Variants in TEKT5 observed in about 807,000 individuals in gnomAD.
TEKT5 encodes the protein tektin 5, also known as tektin-5.
Under a neutral mutation model 48.7 loss-of-function variants are expected in TEKT5, and 52 were observed. The observed-to-expected ratio is 1.07, with a 90% CI of 0.86 to 1.35. TEKT5 has a LOEUF of 1.35. Ranked by LOEUF, TEKT5 falls within the 40% of genes most tolerant of loss-of-function variation. The probability of loss-of-function intolerance (pLI) is 0.00; values close to 1 mark genes in which losing one functional copy is unlikely to be tolerated. For synonymous variants in TEKT5, 318 were observed against 267.6 expected, an observed-to-expected ratio of 1.19 and a Z score of -1.84; for missense variants, 831 against 641.6, an observed-to-expected ratio of 1.30 and a Z score of -3.19.
chr16:10,680,632 G>A (rs1596417045), intron 4 of TEKT5, among the ~76,000 whole-genome samples: 1 of 151,562 alleles, frequency 6.6e-6, no homozygotes, highest in East Asian at 1.9e-4. Context: ...ATGATAGACT[G>A]GATTAAGAAA....
chr16:10,690,158 T>G, intron 1 of TEKT5, 133 bp from the exon 2 acceptor site: 1 of 822,384 alleles, frequency 1.2e-6, no homozygotes, highest in Non-Finnish European at 1.9e-6. Flanking sequence ...GTGACCTCAC[T>G]ACTGGGCATT....
At chr16:10,661,681 G>T (rs369146741) in intron 5 of TEKT5, among the ~76,000 whole-genome samples, 2 of 152,132 alleles carry the variant, frequency 1.3e-5, no homozygotes, top group Non-Finnish European at 2.9e-5. Context: ...TGGAATGTGC[G>T]GAGTGAGGAG....
chr16:10,635,250 G>A (rs531221824), intron 6 of TEKT5, among the ~76,000 whole-genome samples: 74 of 143,796 alleles, frequency 5.1e-4, no homozygotes, highest in Non-Finnish European at 5.7e-4. Context: ...AAAGCCCTTC[G>A]TCAACAGACA....
At position 10,676,368 on chromosome 16, in the gene TEKT5, C is replaced by T. The variant is rs62025833; in HGVS notation, c.864-187G>A. 0.22 allele frequency among the ~76,000 whole-genome samples: 33,050 copies of T among 152,130 alleles called. 4,384 individuals carry two copies. The highest frequency in any genetic ancestry group is 0.54 in the East Asian group (2,815 of 5,168). ...GATGCCAGTAGCTCCCCAACCACCC[C>T]GTTGTGACAACCAAAAAATGGCTCC... On this transcript the variant is annotated intron_variant, in intron 4 of 6. Transcript: ENST00000283025.
chr16:10,653,127 G>A (rs374191289), intron 5 of TEKT5, among the ~76,000 whole-genome samples: 9 of 152,296 alleles, frequency 5.9e-5, no homozygotes, highest in African/African-American at 1.9e-4. Flanking sequence ...AGGCTTCTGG[G>A]GCACAGCCTG....
At chr16:10,670,307 A>C (rs1015025417) in intron 5 of TEKT5, among the ~76,000 whole-genome samples, 4 of 152,186 alleles carry the variant, frequency 2.6e-5, no homozygotes, top group Admixed American at 6.5e-5. Flanking sequence ...CGGGTGGATC[A>C]CCTGGGATCA....
intron 5 of TEKT5, among the ~76,000 whole-genome samples, chr16:10,644,335 T>C (rs1338182513): frequency 6.6e-6 from 1 of 152,182 alleles, no homozygotes; most frequent in African/African-American, 2.4e-5. Context: ...TCATCAGAGG[T>C]GGACATGAGG....
At chr16:10,640,555 A>G (rs1260238107) in intron 5 of TEKT5, among the ~76,000 whole-genome samples, 1 of 152,238 alleles carries the variant, frequency 6.6e-6, no homozygotes, top group Non-Finnish European at 1.5e-5. Context: ...AATCATCACC[A>G]TAATCAAGAT....
Position 10,627,686 on chromosome 16 carries a change from T to C in TEKT5, c.1355A>G (p.His452Arg). 6.2e-7 allele frequency: 1 copy of C among 1,614,192 alleles called. No homozygotes were observed. Among genetic ancestry groups the C allele is most frequent in the Non-Finnish European group, 8.5e-7 (1 of 1,180,042 alleles). ...GGTGTTGGCCTTGATGGCGAGCTCG[T>C]GCTCCAGCCGGCACTTGGTCATGAC... ...LLVMTKCRLE[H>R]ELAIKANTLC... Residue 452 changes from histidine to arginine, a missense_variant, in exon 7 of 7, where the codon CAC becomes CGC. Physicochemically the swap from His to Arg is conservative, Grantham distance 29 (BLOSUM62 0). Transcript: ENST00000283025.
At chr16:10,655,382 T>C (rs1898244237) in intron 5 of TEKT5, among the ~76,000 whole-genome samples, 1 of 152,202 alleles carries the variant, frequency 6.6e-6, no homozygotes, top group Admixed American at 6.5e-5. Context: ...TTCAACCTTG[T>C]AAAAATTACC....
At chr16:10,629,696 A>T (rs1458610682) in intron 6 of TEKT5, among the ~76,000 whole-genome samples, 5 of 152,184 alleles carry the variant, frequency 3.3e-5, no homozygotes, top group Non-Finnish European at 7.3e-5. Context: ...GCAGTTCTCC[A>T]GGCAATTAAG....
intron 5 of TEKT5, among the ~76,000 whole-genome samples, chr16:10,662,884 A>T (rs1252742591): frequency 6.6e-6 from 1 of 152,174 alleles, no homozygotes; most frequent in Non-Finnish European, 1.5e-5. Flanking sequence ...AGATAAGCTC[A>T]CCTAAGTAAA....
chr16:10,645,371 G>C (rs1036428727), intron 5 of TEKT5, among the ~76,000 whole-genome samples: 1 of 151,804 alleles, frequency 6.6e-6, no homozygotes, highest in Non-Finnish European at 1.5e-5. Context: ...AATTAGTCAG[G>C]TGTGGTGGTT....
chr16:10,670,687 A>G (rs1898535210), intron 5 of TEKT5, among the ~76,000 whole-genome samples: 2 of 152,190 alleles, frequency 1.3e-5, no homozygotes, highest in African/African-American at 2.4e-5. Context: ...AAATGTCAAT[A>G]GCGTAGGGTT....
intron 5 of TEKT5, among the ~76,000 whole-genome samples, chr16:10,641,681 G>A (rs1241382559): frequency 2.0e-5 from 3 of 152,168 alleles, no homozygotes; most frequent in African/African-American, 7.2e-5. Flanking sequence ...AATTAGCCAG[G>A]CATGGTGATG....
intron 4 of TEKT5, among the ~76,000 whole-genome samples, chr16:10,680,185 G>C (rs1232597213): frequency 1.3e-5 from 2 of 152,242 alleles, no homozygotes; most frequent in African/African-American, 2.4e-5. Context: ...TGCCATGGAG[G>C]AGAGCACCTT....
chr16:10,671,535 C>T (rs1394034933), intron 5 of TEKT5, among the ~76,000 whole-genome samples: 1 of 152,188 alleles, frequency 6.6e-6, no homozygotes, highest in Non-Finnish European at 1.5e-5. Context: ...TAACCAGTCA[C>T]AGGAGGACAA....
intron 5 of TEKT5, among the ~76,000 whole-genome samples, chr16:10,669,801 T>C (rs1350927743): frequency 1.3e-5 from 2 of 152,150 alleles, no homozygotes; most frequent in African/African-American, 4.8e-5. Flanking sequence ...GGGTTGTTTT[T>C]CTGGAAGTTT....
intron 5 of TEKT5, among the ~76,000 whole-genome samples, chr16:10,668,241 G>A (rs955700279): frequency 1.3e-5 from 2 of 152,162 alleles, no homozygotes; most frequent in African/African-American, 4.8e-5. Context: ...TAAGCCTGAG[G>A]CCTGATGCCT....
Sources: allele counts gnomAD v4.1 joint callset (sites outside exome capture counted in the v4.1 genomes callset), GRCh38; gene constraint gnomAD v4.1.1; transcripts MANE v1.5; gene names NCBI Gene and HGNC (gene_info 2026-07-23, HGNC 2026-07-21).